Variants in PAPPA observed in about 807,000 individuals in gnomAD.
The protein encoded by PAPPA is pappalysin-1.
In PAPPA, 60 loss-of-function variants were observed where a neutral mutation model predicts 164.0. That is an observed-to-expected ratio of 0.37 (90% CI 0.30 to 0.45). PAPPA has a LOEUF of 0.45. Ranked by LOEUF, PAPPA falls within the 20% of genes least tolerant of loss-of-function variation. The pLI is 1.00. For missense variants in PAPPA, 1,782 were observed against 2,087.3 expected, an observed-to-expected ratio of 0.85 and a Z score of 2.85; for synonymous variants, 875 against 814.1, an observed-to-expected ratio of 1.07 and a Z score of -1.27.
At chr9:116,288,330 CCGCACTCAAGCCCAGGTGACAGAG>C (rs1300182894) in intron 9 of PAPPA, among the ~76,000 whole-genome samples, 6 of 152,096 alleles carry the variant, frequency 3.9e-5, no homozygotes, top group African/African-American at 7.2e-5. Flanking sequence ...GATTGCGCCA[CCGCACTCAAGCCCAGGTGACAGAG>C]CGCACTCAAG....
intron 9 of PAPPA, among the ~76,000 whole-genome samples, chr9:116,278,970 G>C (rs2118839907): frequency 6.6e-6 from 1 of 152,246 alleles, no homozygotes; most frequent in East Asian, 1.9e-4. Flanking sequence ...TCTCAATTGT[G>C]ACTGATGCAA....
intron 21 of PAPPA, among the ~76,000 whole-genome samples, chr9:116,384,318 G>C (rs1254755183): frequency 1.6e-5 from 2 of 123,528 alleles, no homozygotes; most frequent in Non-Finnish European, 3.5e-5. Flanking sequence ...GCCAGGTATG[G>C]AGGCACAGGT....
At position 116,227,364 on chromosome 9, in the gene PAPPA, G is replaced by T. The variant is rs1422032909; in HGVS notation, c.2112-67G>T. 7 of 1,572,370 alleles carry T rather than the reference G, an allele frequency of 4.5e-6. No homozygotes were observed. The Admixed American group carries it at 5.0e-5, about 11-fold the overall frequency. Reference sequence around the variant, plus strand: ...CCTCTGCCCCATTGACTCTGGCCTAGTCCCATCAGTTGCTCATTCAACTGT... The same window carrying T: ...CCTCTGCCCCATTGACTCTGGCCTATTCCCATCAGTTGCTCATTCAACTGT... On this transcript the variant is annotated intron_variant, in intron 5 of 21. Coordinates refer to ENST00000328252, the MANE Select transcript of PAPPA (RefSeq NM_002581.5).
At chr9:116,267,169 CTCTT>C (rs1002178211) in intron 8 of PAPPA, among the ~76,000 whole-genome samples, 10 of 152,320 alleles carry the variant, frequency 6.6e-5, no homozygotes, top group South Asian at 2.1e-4. Flanking sequence ...CATTAGATGA[CTCTT>C]TCTTTCTGTT....
intron 1 of PAPPA, among the ~76,000 whole-genome samples, chr9:116,156,362 A>G (rs1843605673): frequency 2.2e-5 from 3 of 138,786 alleles, no homozygotes; most frequent in Admixed American, 7.0e-5. Context: ...ATATATATAT[A>G]TAACACCTGG....
At chr9:116,264,876 T>C (rs1587978348) in intron 7 of PAPPA, among the ~76,000 whole-genome samples, 1 of 152,164 alleles carries the variant, frequency 6.6e-6, no homozygotes, top group African/African-American at 2.4e-5. Flanking sequence ...GACATAAACA[T>C]ATATTTGCCT....
chr9:116,283,285 G>T (rs1031235765), intron 9 of PAPPA, among the ~76,000 whole-genome samples: 4 of 152,170 alleles, frequency 2.6e-5, no homozygotes, highest in African/African-American at 4.8e-5. Flanking sequence ...GGCATTAGAG[G>T]TCCCCTGGGA....
chr9:116,285,096 G>C (rs1282229363), intron 9 of PAPPA, among the ~76,000 whole-genome samples: 1 of 150,878 alleles, frequency 6.6e-6, no homozygotes, highest in Non-Finnish European at 1.5e-5. Flanking sequence ...TTAAGACCTT[G>C]CGTGATCTGA....
At chr9:116,194,599 A>G (rs1299226995) in intron 2 of PAPPA, among the ~76,000 whole-genome samples, 2 of 152,214 alleles carry the variant, frequency 1.3e-5, no homozygotes, top group African/African-American at 2.4e-5. Context: ...ACCTTGGCAC[A>G]TTGCTCAGTA....
intron 9 of PAPPA, among the ~76,000 whole-genome samples, chr9:116,276,827 C>T (rs547722200): frequency 1.7e-3 from 255 of 152,248 alleles, no homozygotes; most frequent in African/African-American, 6.0e-3. Flanking sequence ...TAGCAACCCC[C>T]AGCCCCAGCT....
intron 9 of PAPPA, among the ~76,000 whole-genome samples, chr9:116,299,416 T>A (rs1198204718): frequency 6.6e-6 from 1 of 152,168 alleles, no homozygotes; most frequent in Non-Finnish European, 1.5e-5. Context: ...GCAGACAAAT[T>A]TATTGTGGTC....
rs780407149 is a variant in PAPPA, at chr9:116,187,312, C to T, written c.574C>T (p.Leu192Phe). The T allele has an allele frequency of 3.1e-6, 5 of 1,614,070 alleles. No individual in the cohort carries two copies. In the Admixed American group the frequency reaches 8.3e-5, roughly 27 times the overall value. ...VTTINAHRSY[L>F]PGQWVYLAAT... ...CACCATCAATGCCCACCGCAGCTAC[C>T]TCCCAGGCCAGTGGGTATACCTAGC... Residue 192 changes from leucine to phenylalanine, a missense_variant, in exon 2 of 22, where the codon CTC (leucine) becomes TTC (phenylalanine). Coordinates refer to ENST00000328252, the MANE Select transcript of PAPPA (RefSeq NM_002581.5). The surrounding 1 kb of genome is among the most constrained non-coding windows in gnomAD (Gnocchi z 4.2).
chr9:116,278,580 A>G (rs79911921), intron 9 of PAPPA, among the ~76,000 whole-genome samples: 2,264 of 152,168 alleles, frequency 0.015, 55 homozygotes, highest in African/African-American at 0.052. Flanking sequence ...CATACCCCCA[A>G]TGGAGGGTCA....
intron 5 of PAPPA, 22 bp downstream of exon 5, chr9:116,220,151 T>A: frequency 6.4e-7 from 1 of 1,566,156 alleles, no homozygotes. Context: ...CTGTGTAGTG[T>A]TGATCCCTCT....
intron 18 of PAPPA, among the ~76,000 whole-genome samples, chr9:116,365,248 C>T (rs113717498): frequency 2.7e-3 from 409 of 152,274 alleles, no homozygotes; most frequent in Non-Finnish European, 4.4e-3. Flanking sequence ...GCTCCCCCTG[C>T]GTGCCTCCCC....
chr9:116,379,362 CCT>C (rs1401710674), intron 20 of PAPPA, among the ~76,000 whole-genome samples: 1 of 152,174 alleles, frequency 6.6e-6, no homozygotes, highest in East Asian at 1.9e-4. Context: ...CCCCTGAGCC[CCT>C]GTTTTCTGCA....
At chr9:116,282,355 T>G (rs1397565035) in intron 9 of PAPPA, among the ~76,000 whole-genome samples, 1 of 152,214 alleles carries the variant, frequency 6.6e-6, no homozygotes, top group African/African-American at 2.4e-5. Context: ...ATTTTGCATC[T>G]CTTGAATTCA....
At chr9:116,371,751 A>T (rs1339615380) in intron 19 of PAPPA, among the ~76,000 whole-genome samples, 2 of 151,976 alleles carry the variant, frequency 1.3e-5, no homozygotes, top group Non-Finnish European at 2.9e-5. Context: ...AGGCATTATA[A>T]ATTGTTTTGG....
Position 116,378,577 on chromosome 9 carries a change from C to T in PAPPA, c.4677+930C>T, listed in dbSNP as rs112683923. ...GAAAGACTCTTTTACCTAATCTCAA[C>T]TAATCTTTTATTTTTAAAATGGGTA... On this transcript the variant is annotated intron_variant, in intron 20 of 21. Transcript: ENST00000328252. Among the ~76,000 whole-genome samples the T allele has an allele frequency of 4.0e-3, 608 of 152,272 alleles. 5 individuals carry two copies. Among genetic ancestry groups the T allele is most frequent in the African/African-American group, 0.014 (585 of 41,556 alleles).
Sources: gnomAD v4.1 joint callset for allele counts (sites outside exome capture counted in the v4.1 genomes callset) on GRCh38, gnomAD v4.1.1 for gene constraint, Gnocchi (gnomAD v3.1) non-coding constraint, MANE v1.5 for transcripts, NCBI Gene and HGNC (gene_info 2026-07-23, HGNC 2026-07-21) for gene names.